The following MIER1 variants were observed in gnomAD, a reference collection of about 807,000 sequenced individuals.
MIER1 encodes the protein mesoderm induction early response protein 1.
MIER1 carries 40 observed loss-of-function variants against 75.7 expected under a neutral mutation model. That is an observed-to-expected ratio of 0.53 (90% CI 0.41 to 0.69). MIER1 has a LOEUF of 0.69. Among genes scored for constraint, MIER1 ranks in the 30% least tolerant of loss-of-function variants. The pLI is 0.00. For synonymous variants in MIER1, 213 were observed against 223.4 expected, an observed-to-expected ratio of 0.95 and a Z score of 0.42; for missense variants, 574 against 680.2, an observed-to-expected ratio of 0.84 and a Z score of 1.74.
chr1:66,966,544 T>C (rs933310229), intron 8 of MIER1, among the ~76,000 whole-genome samples: 1 of 152,248 alleles, frequency 6.6e-6, no homozygotes, highest in African/African-American at 2.4e-5. Flanking sequence ...CCTTTGGGTA[T>C]ATGCCCAATA....
At chr1:66,978,290 G>A (rs1201273448) in intron 12 of MIER1, among the ~76,000 whole-genome samples, 1 of 94,036 alleles carries the variant, frequency 1.1e-5, no homozygotes, top group Non-Finnish European at 2.7e-5. Flanking sequence ...TCATTTATAG[G>A]TAGGTATCTC....
At chr1:66,928,130 G>A (rs1231089226) in intron 2 of MIER1, among the ~76,000 whole-genome samples, 1 of 152,090 alleles carries the variant, frequency 6.6e-6, no homozygotes. Flanking sequence ...TTATAAAAAG[G>A]GGAAGGGGAA....
chr1:66,983,313 A>G (rs12136942), intron 13 of MIER1, among the ~76,000 whole-genome samples: 18,260 of 152,262 alleles, frequency 0.12, 1,271 homozygotes, highest in Non-Finnish European at 0.15. Flanking sequence ...TCTCTTCAAT[A>G]TATTATGATG....
chr1:66,929,979 C>A (rs527979690), intron 2 of MIER1, among the ~76,000 whole-genome samples: 72 of 152,378 alleles, frequency 4.7e-4, no homozygotes, highest in Admixed American at 2.4e-3. Context: ...TCCTTTGGCA[C>A]TGTTCCTTGA....
chr1:66,925,055 C>T lies in MIER1; in HGVS notation c.27C>T (p.Gly9=), dbSNP rs1651136689. 1.9e-6 allele frequency: 3 copies of T among 1,548,682 alleles called. No homozygotes were observed. Among genetic ancestry groups the T allele is most frequent in the Non-Finnish European group, 2.6e-6 (3 of 1,145,896 alleles). Residue 9 remains glycine (G), a synonymous_variant, in exon 1 of 14, where the codon GGC becomes GGT. Transcript: ENST00000401041. ...TGGATGGGGCTTCTTCAGGCGGTGGCGGCAGCAGCGAAGGTGGCGGCGGCA... is the reference window on the plus strand; with the variant it reads ...TGGATGGGGCTTCTTCAGGCGGTGGTGGCAGCAGCGAAGGTGGCGGCGGCA... MDGASSGG[G]GSSEGGGGSS...
intron 4 of MIER1, among the ~76,000 whole-genome samples, chr1:66,957,759 T>C (rs1365647465): frequency 6.6e-6 from 1 of 152,168 alleles, no homozygotes; most frequent in Non-Finnish European, 1.5e-5. Context: ...ACTGTCATTG[T>C]GCATATACTG....
At chr1:66,930,321 T>TCTC (rs1558011574) in intron 2 of MIER1, 8 of 1,590,608 alleles carry the variant, frequency 5.0e-6, no homozygotes, top group Non-Finnish European at 6.8e-6. Context: ...CGTTGCTGAG[T>TCTC]CTCACATCCG....
chr1:66,978,068 C>G (rs58680688), intron 12 of MIER1, among the ~76,000 whole-genome samples: 31,005 of 151,594 alleles, frequency 0.2, 3,655 homozygotes, highest in Non-Finnish European at 0.26. Flanking sequence ...TGGTGGTGCA[C>G]GCCTATAGTC....
At chr1:66,925,815 A>G (rs1651585619) in intron 1 of MIER1, among the ~76,000 whole-genome samples, 1 of 152,242 alleles carries the variant, frequency 6.6e-6, no homozygotes, top group African/African-American at 2.4e-5. Flanking sequence ...CTCCAACGCT[A>G]GAATTCTGCA....
chr1:66,970,746 GT>G, intron 8 of MIER1, 61 bp from the exon 9 acceptor site: 1 of 1,293,698 alleles, frequency 7.7e-7, no homozygotes, highest in Non-Finnish European at 1.0e-6. Flanking sequence ...TTAGTAATAT[GT>G]TTTAACACAA....
At chr1:66,925,169 A>T (rs777159998) in intron 1 of MIER1, 74 bp downstream of exon 1, 15 of 1,503,878 alleles carry the variant, frequency 1.0e-5, no homozygotes, top group Non-Finnish European at 1.3e-5. Context: ...AGGTGTCCTC[A>T]GTCCCCTTTC....
intron 4 of MIER1, chr1:66,946,695 C>T (rs1419853226): frequency 2.0e-6 from 2 of 987,736 alleles, no homozygotes; most frequent in African/African-American, 3.5e-5. Context: ...ATAAAGTGCT[C>T]TAGATTATCT....
At chr1:66,925,504 G>T (rs985060520) in intron 1 of MIER1, 1 of 985,308 alleles carries the variant, frequency 1.0e-6, no homozygotes, top group Non-Finnish European at 1.2e-6. Context: ...CCCATCCCCG[G>T]GAGGCTCTCG....
In MIER1 at chr1:66,970,795, T is replaced by G; in HGVS notation, c.773-13T>G. ...TTTAGAAATTTGTTTAACATTGTCT[T>G]TTACTAATTTAGTATATGAAAATGA... is the stretch of plus-strand genomic sequence containing the variant. On this transcript the variant is annotated splice_polypyrimidine_tract_variant and intron_variant, in intron 8 of 13. Coordinates refer to ENST00000401041, the MANE Select transcript of MIER1 (RefSeq NM_001077700.3). 6.5e-7 allele frequency: 1 copy of G among 1,528,864 alleles called. No individual in the cohort carries two copies. The highest frequency in any genetic ancestry group is 1.3e-5 in the South Asian group (1 of 76,404). 94.7% of individuals were successfully genotyped at this position (1,528,864 alleles called of 1,614,324 possible). A position where few individuals can be genotyped will look rare whatever the true frequency, so the allele number is the denominator to read the frequency against.
At chr1:66,932,173 A>G (rs942630383) in intron 2 of MIER1, among the ~76,000 whole-genome samples, 4 of 151,154 alleles carry the variant, frequency 2.6e-5, no homozygotes, top group Non-Finnish European at 5.9e-5. Flanking sequence ...AAGATAAAGG[A>G]AAAAAATATT....
Position 66,986,085 on chromosome 1 carries a change from G to GCA in MIER1, c.*1192_*1193dup. The GCA allele has an allele frequency of 9.5e-7, 1 of 1,049,598 alleles. No individual in the cohort carries two copies. Among genetic ancestry groups the GCA allele is most frequent in the Non-Finnish European group, 1.1e-6 (1 of 871,482 alleles). 65.0% of individuals were successfully genotyped at this position (1,049,598 alleles called of 1,614,324 possible). A position where few individuals can be genotyped will look rare whatever the true frequency, so the allele number is the denominator to read the frequency against. On this transcript the variant is annotated 3_prime_UTR_variant, in exon 14 of 14. Transcript: ENST00000401041. ...GGGGTCAAGTGATACTTAGATATTGGCACACACAAGGAACAACTGTTGGCA... is the reference window on the plus strand; with the variant it reads ...GGGGTCAAGTGATACTTAGATATTGGCACACACACAAGGAACAACTGTTGGCA...
At position 66,958,895 on chromosome 1, in the gene MIER1, G is replaced by A. The variant is rs780254150; in HGVS notation, c.546G>A (p.Gln182=). ...CATCAGGTCAGGAGGATGAAACTCAGTCTTCCAATGATGATCCATCACAAT... is the reference window on the plus strand; with the variant it reads ...CATCAGGTCAGGAGGATGAAACTCAATCTTCCAATGATGATCCATCACAAT... ...KDSSGQEDET[Q]SSNDDPSQSV... The change falls in exon 6 of 14, where the codon CAG becomes CAA. Residue 182 remains glutamine, a synonymous_variant. Transcript: ENST00000401041. 1 of 1,610,940 alleles carries A rather than the reference G, an allele frequency of 6.2e-7. No individual in the cohort carries two copies. Among genetic ancestry groups the A allele is most frequent in the African/African-American group, 1.3e-5 (1 of 74,738 alleles).
At chr1:66,954,586 T>A (rs921289643) in intron 4 of MIER1, among the ~76,000 whole-genome samples, 3 of 152,350 alleles carry the variant, frequency 2.0e-5, no homozygotes, top group Non-Finnish European at 4.4e-5. Context: ...CGATTGTAAT[T>A]CAAGCATTTC....
intron 8 of MIER1, among the ~76,000 whole-genome samples, chr1:66,966,733 G>T (rs762099984): frequency 1.2e-4 from 18 of 152,196 alleles, no homozygotes; most frequent in African/African-American, 3.4e-4. Flanking sequence ...CCATTCTAAC[G>T]GTTGTGAGAT....
Sources: allele counts gnomAD v4.1 joint callset (sites outside exome capture counted in the v4.1 genomes callset), GRCh38; gene constraint gnomAD v4.1.1; transcripts MANE v1.5; gene names NCBI Gene and HGNC (gene_info 2026-07-23, HGNC 2026-07-21).